Variants in SPAG17 observed in about 807,000 individuals in gnomAD.
SPAG17 encodes the protein sperm-associated antigen 17.
SPAG17 carries 169 observed loss-of-function variants against 273.6 expected under a neutral mutation model. The observed-to-expected ratio is 0.62, with a 90% CI of 0.55 to 0.70. The LOEUF (loss-of-function observed/expected upper bound fraction) is 0.70. Ranked by LOEUF, SPAG17 falls within the 30% of genes least tolerant of loss-of-function variation. The pLI, the probability that SPAG17 is intolerant of heterozygous loss-of-function variation, is 0.00. For missense variants in SPAG17, 2,557 were observed against 2,627.8 expected (o/e 0.97, Z 0.59); for synonymous variants, 825 against 873.2 (o/e 0.94, Z 0.97).
At chr1:117,991,073 A>G (rs1461474094) in intron 37 of SPAG17, among the ~76,000 whole-genome samples, 167 bp from the exon 38 acceptor site, 1 of 152,200 alleles carries the variant, frequency 6.6e-6, no homozygotes, top group African/African-American at 2.4e-5. Flanking sequence ...CTACTTCACT[A>G]ATGTCTAAAA....
chr1:118,085,011 A>G (rs1654874536), intron 13 of SPAG17, among the ~76,000 whole-genome samples: 1 of 152,150 alleles, frequency 6.6e-6, no homozygotes, highest in Non-Finnish European at 1.5e-5. Flanking sequence ...ATTTTCTCTC[A>G]AGATAGGATT....
At position 117,966,826 on chromosome 1, in the gene SPAG17, A is replaced by G. The variant is rs1010153929; in HGVS notation, c.6388-73T>C. 45 of 1,337,780 alleles carry G rather than the reference A, an allele frequency of 3.4e-5. No homozygotes were observed. In the South Asian group the frequency reaches 7.5e-4, roughly 22 times the overall value. The allele number at this position is 1,337,780 out of a possible 1,614,324, so 82.9% of individuals were successfully genotyped here. A position where few individuals can be genotyped will look rare whatever the true frequency, so the allele number is the denominator to read the frequency against. On this transcript the variant is annotated intron_variant, in intron 46 of 48. Transcript: ENST00000336338. ...CCTTGCTTTTAATAATATGAATTTG[A>G]GCAAGTTACTTAAACTCTCTTACCT...
chr1:118,107,210 T>C (rs1656454457), intron 4 of SPAG17, among the ~76,000 whole-genome samples: 1 of 152,138 alleles, frequency 6.6e-6, no homozygotes, highest in East Asian at 1.9e-4. Flanking sequence ...ATTTCCATGA[T>C]ACTCTTGTCT....
At chr1:118,016,685 G>T (rs1410549183) in intron 28 of SPAG17, among the ~76,000 whole-genome samples, 2 of 152,144 alleles carry the variant, frequency 1.3e-5, no homozygotes, top group Non-Finnish European at 2.9e-5. Flanking sequence ...TTCAACCCTG[G>T]ATCTGGGAAA....
At chr1:117,977,333 TAATAA>T (rs1655250751) in intron 43 of SPAG17, among the ~76,000 whole-genome samples, 1 of 151,868 alleles carries the variant, frequency 6.6e-6, no homozygotes. Context: ...AAAAAGAAAT[TAATAA>T]AATAAATATT....
intron 20 of SPAG17, among the ~76,000 whole-genome samples, chr1:118,050,591 C>T (rs1348258281): frequency 6.6e-6 from 1 of 152,184 alleles, no homozygotes; most frequent in Non-Finnish European, 1.5e-5. Context: ...AATAAATCCA[C>T]ACATGTACAG....
Position 117,963,781 on chromosome 1 carries a change from A to G in SPAG17, c.*18T>C, listed in dbSNP as rs767486430. 3 of 1,595,658 alleles carry G rather than the reference A, an allele frequency of 1.9e-6. No individual in the cohort carries two copies. Among genetic ancestry groups the G allele is most frequent in the African/African-American group, 2.7e-5 (2 of 74,104 alleles). On this transcript the variant is annotated intron_variant, in intron 48 of 48. Transcript: ENST00000336338. ...TTGAATGCTTGACAATCAAATTCCC[A>G]TTTATTACTTACTGTACCTAATGTG...
intron 26 of SPAG17, among the ~76,000 whole-genome samples, chr1:118,028,032 C>G (rs969778488): frequency 1.3e-5 from 2 of 152,120 alleles, no homozygotes; most frequent in Non-Finnish European, 2.9e-5. Context: ...CCTCCTGAAG[C>G]CTCGATTTCC....
intron 28 of SPAG17, among the ~76,000 whole-genome samples, chr1:118,018,655 A>T (rs1004805269): frequency 6.6e-6 from 1 of 151,018 alleles, no homozygotes; most frequent in Non-Finnish European, 1.5e-5. Context: ...CAACATAGTG[A>T]CACTTCACTG....
At chr1:118,007,383 G>A (rs1659004445) in intron 31 of SPAG17, among the ~76,000 whole-genome samples, 1 of 152,084 alleles carries the variant, frequency 6.6e-6, no homozygotes, top group Non-Finnish European at 1.5e-5. Context: ...TAGTGACATT[G>A]TTTGCAATAT....
At chr1:118,106,696 A>G (rs1656419750) in intron 4 of SPAG17, among the ~76,000 whole-genome samples, 1 of 152,232 alleles carries the variant, frequency 6.6e-6, no homozygotes, top group South Asian at 2.1e-4. Context: ...AAAAGATGAA[A>G]CCATTTTAGA....
At chr1:118,028,065 T>C (rs1168518112) in intron 26 of SPAG17, among the ~76,000 whole-genome samples, 2 of 152,216 alleles carry the variant, frequency 1.3e-5, no homozygotes, top group African/African-American at 2.4e-5. Flanking sequence ...ATGGAGTAGT[T>C]AGTATTTAGA....
At chr1:118,068,781 A>AT (rs1343603232) in intron 17 of SPAG17, among the ~76,000 whole-genome samples, 1 of 152,126 alleles carries the variant, frequency 6.6e-6, no homozygotes, top group African/African-American at 2.4e-5. Context: ...TATGATAAAG[A>AT]TTTTTTTGTT....
chr1:118,151,251 G>A lies in SPAG17; in HGVS notation c.206C>T (p.Ser69Leu), dbSNP rs776393884. Residue 69 changes from serine to leucine, a missense_variant, in exon 2 of 49, where the codon TCG becomes TTG. Transcript: ENST00000336338. ...VPQRKLFSMV[S>L]WQDILQQINE... ...TACCTGCTGGAGAATGTCTTGCCAC[G>A]ACACCATACTGAAGAGTTTACGCTG... The A allele has an allele frequency of 1.1e-5, 17 of 1,591,774 alleles. No individual in the cohort carries two copies. In the East Asian group the frequency reaches 1.4e-4, roughly 13 times the overall value.
intron 17 of SPAG17, 80 bp downstream of exon 17, chr1:118,073,774 T>C: frequency 1.1e-6 from 1 of 879,654 alleles, no homozygotes; most frequent in Admixed American, 2.7e-5. Flanking sequence ...GAGAATGACC[T>C]GGAGGTGAAC....
chr1:117,985,659 G>A (rs12126243), intron 40 of SPAG17, among the ~76,000 whole-genome samples: 7,912 of 152,160 alleles, frequency 0.052, 436 homozygotes, highest in East Asian at 0.29. Flanking sequence ...GAGGTTTTCT[G>A]TTAAATGTAG....
At chr1:118,178,785 T>C (rs1347580109) in intron 1 of SPAG17, among the ~76,000 whole-genome samples, 1 of 151,798 alleles carries the variant, frequency 6.6e-6, no homozygotes, top group Non-Finnish European at 1.5e-5. Flanking sequence ...AAAATCAACA[T>C]ACAGCAATCA....
At chr1:118,052,851 T>A (rs1651217708) in intron 20 of SPAG17, among the ~76,000 whole-genome samples, 1 of 151,960 alleles carries the variant, frequency 6.6e-6, no homozygotes, top group Non-Finnish European at 1.5e-5. Context: ...AATAATAATA[T>A]GCCATGAACA....
chr1:117,987,720 A>C, intron 40 of SPAG17, 114 bp downstream of exon 40: 1 of 1,014,738 alleles, frequency 9.9e-7, no homozygotes, highest in Non-Finnish European at 1.5e-6. Context: ...GACATGTTGC[A>C]GAAGAGAATC....
Sources: allele counts gnomAD v4.1 joint callset (sites outside exome capture counted in the v4.1 genomes callset), GRCh38; gene constraint gnomAD v4.1.1; transcripts MANE v1.5; gene names NCBI Gene and HGNC (gene_info 2026-07-23, HGNC 2026-07-21).